RAB9B: variants seen among roughly 807,000 people sequenced by gnomAD.
RAB9B encodes the protein ras-related protein Rab-9B.
Under a neutral mutation model 8.9 loss-of-function variants are expected in RAB9B, and 1 was observed. That is an observed-to-expected ratio of 0.11 (90% confidence interval 0.04 to 0.53). The LOEUF (loss-of-function observed/expected upper bound fraction) is 0.53. Among genes scored for constraint, RAB9B ranks in the 20% least tolerant of loss-of-function variants. The pLI is 0.93. For synonymous variants in RAB9B, 63 were observed against 57.0 expected (o/e 1.10, Z -0.47); for missense variants, 82 against 152.9 (o/e 0.54, Z 2.45).
At chrX:103,785,233 T>G in the RAB9B span, among the ~76,000 whole-genome samples, 1 of 111,111 alleles carries the variant, frequency 9.0e-6, no homozygotes, top group African/African-American at 3.3e-5. Context: ...CATACGCCCA[T>G]GCCCGGCTAA....
chrX:103,786,492 T>C, the RAB9B span: 1 of 1,209,614 alleles, frequency 8.3e-7, no homozygotes, highest in East Asian at 3.0e-5. Flanking sequence ...ATGTCATCTA[T>C]GGAACTGCCT....
downstream of RAB9B, among the ~76,000 whole-genome samples, chrX:103,821,877 C>G (rs1344212432): frequency 9.0e-6 from 1 of 111,041 alleles, no homozygotes; most frequent in Non-Finnish European, 1.9e-5. Flanking sequence ...TACCCATCAC[C>G]AGAATAGTGT....
At chrX:103,796,847 CAAAAAAAAAAAAAAA>C in the RAB9B span, among the ~76,000 whole-genome samples, 6 of 12,107 alleles carry the variant, frequency 5.0e-4, no homozygotes, top group Non-Finnish European at 9.4e-4. Flanking sequence ...ACCGCCTCTA[CAAAAAAAAAAAAAAA>C]AAAAAAAAAA....
the RAB9B span, among the ~76,000 whole-genome samples, chrX:103,807,365 T>C: frequency 8.1e-5 from 9 of 111,436 alleles, no homozygotes; most frequent in African/African-American, 2.9e-4. Flanking sequence ...GACTACTCTT[T>C]AAAAAGGCAA....
chrX:103,802,428 G>A, the RAB9B span, among the ~76,000 whole-genome samples: 1 of 111,385 alleles, frequency 9.0e-6, no homozygotes, highest in Non-Finnish European at 1.9e-5. Flanking sequence ...TTGCTCTTGA[G>A]GGCACTGATA....
At chrX:103,777,273 C>T in the RAB9B span, among the ~76,000 whole-genome samples, 1 of 111,524 alleles carries the variant, frequency 9.0e-6, no homozygotes, top group Non-Finnish European at 1.9e-5. Context: ...ATGTGTCCTC[C>T]TACCCCCTCA....
At chrX:103,787,984 T>C in the RAB9B span, 2 of 1,177,968 alleles carry the variant, frequency 1.7e-6, no homozygotes, top group South Asian at 3.6e-5. Flanking sequence ...AGGGTACGGG[T>C]GCTTTGGCTC....
chrX:103,802,862 C>T, the RAB9B span, among the ~76,000 whole-genome samples: 1 of 110,902 alleles, frequency 9.0e-6, no homozygotes, highest in Non-Finnish European at 1.9e-5. Flanking sequence ...AATCACTAAT[C>T]CACCTTCTGT....
At chrX:103,808,548 G>A in the RAB9B span, among the ~76,000 whole-genome samples, 177 of 112,625 alleles carry the variant, frequency 1.6e-3, no homozygotes, top group African/African-American at 4.9e-3. Context: ...CACATCACAC[G>A]TGATGCCATG....
At chrX:103,807,342 C>T in the RAB9B span, among the ~76,000 whole-genome samples, 1 of 111,582 alleles carries the variant, frequency 9.0e-6, no homozygotes, top group Non-Finnish European at 1.9e-5. Flanking sequence ...GATCTATCTC[C>T]TCACTGCCGT....
the RAB9B span, chrX:103,786,080 C>G: frequency 9.4e-7 from 1 of 1,060,962 alleles, no homozygotes; most frequent in Non-Finnish European, 1.2e-6. Context: ...ATGGAGAAGC[C>G]AAGGGAGGCA....
chrX:103,817,781 A>G (rs766447399), downstream of RAB9B, among the ~76,000 whole-genome samples: 4 of 111,144 alleles, frequency 3.6e-5, no homozygotes, highest in Non-Finnish European at 7.6e-5. Flanking sequence ...CAAACCAGTC[A>G]TTTGACATCA....
the RAB9B span, among the ~76,000 whole-genome samples, chrX:103,782,185 C>T: frequency 8.9e-6 from 1 of 112,332 alleles, no homozygotes; most frequent in Admixed American, 9.4e-5. Context: ...CCAAAGCAAA[C>T]ATTTCATCTA....
the RAB9B span, chrX:103,781,195 T>C: frequency 1.5e-5 from 4 of 270,686 alleles, no homozygotes; most frequent in Admixed American, 1.4e-4. Context: ...GAGCTGGTCC[T>C]TGAGGCGGGC....
At chrX:103,805,220 T>A in the RAB9B span, among the ~76,000 whole-genome samples, 1 of 111,624 alleles carries the variant, frequency 9.0e-6, no homozygotes, top group African/African-American at 3.3e-5. Flanking sequence ...CAAGAAAGGG[T>A]GTTCAATTTT....
the RAB9B span, among the ~76,000 whole-genome samples, chrX:103,795,136 G>A: frequency 9.0e-6 from 1 of 111,253 alleles, no homozygotes; most frequent in East Asian, 2.8e-4. Context: ...AAGACAGAAA[G>A]GGGTAGGCAG....
At chrX:103,788,519 G>C in the RAB9B span, 1 of 1,148,318 alleles carries the variant, frequency 8.7e-7, no homozygotes, top group Non-Finnish European at 1.2e-6. Flanking sequence ...AGGTGAGTGG[G>C]TTATTTGGGT....
At chrX:103,795,357 C>G in the RAB9B span, among the ~76,000 whole-genome samples, 2 of 111,603 alleles carry the variant, frequency 1.8e-5, no homozygotes, top group African/African-American at 6.5e-5. Context: ...GTTTTGCCCC[C>G]CAATGTGGAA....
chrX:103,781,087 C>A, the RAB9B span: 1 of 203,234 alleles, frequency 4.9e-6, no homozygotes, highest in South Asian at 6.4e-5. Flanking sequence ...GGGAATTGTG[C>A]AGGGTACAAT....
Sources: gnomAD v4.1 joint callset for allele counts (sites outside exome capture counted in the v4.1 genomes callset) on GRCh38, gnomAD v4.1.1 for gene constraint, MANE v1.5 for transcripts, NCBI Gene and HGNC (gene_info 2026-07-23, HGNC 2026-07-21) for gene names.